The following OCA2 variants were observed in gnomAD, a reference collection of about 807,000 sequenced individuals.
The protein encoded by OCA2 is OCA2 melanosomal transmembrane protein, also known as P protein.
OCA2 carries 77 observed loss-of-function variants against 100.2 expected under a neutral mutation model. The ratio of observed to expected loss-of-function variants is 0.77; its 90% confidence interval spans 0.64 to 0.93. The LOEUF (loss-of-function observed/expected upper bound fraction) is 0.93, where lower values mean the gene tolerates loss of function less well. OCA2 is among the 40% of genes least tolerant of loss of function. The probability of loss-of-function intolerance (pLI) is 0.00; values close to 1 mark genes in which losing one functional copy is unlikely to be tolerated. For synonymous variants in OCA2, 432 were observed against 439.2 expected (o/e 0.98, Z 0.21); for missense variants, 1,062 against 1,089.1 (o/e 0.98, Z 0.35).
At chr15:27,902,270 T>G (rs775115361) in intron 19 of OCA2, among the ~76,000 whole-genome samples, 1 of 152,090 alleles carries the variant, frequency 6.6e-6, no homozygotes, top group Non-Finnish European at 1.5e-5. Flanking sequence ...TTTAAATACG[T>G]GAAATGCTTT....
intron 2 of OCA2, among the ~76,000 whole-genome samples, chr15:28,080,873 A>G (rs1021060679): frequency 1.3e-5 from 2 of 152,180 alleles, no homozygotes; most frequent in African/African-American, 4.8e-5. Context: ...AAAACCATTC[A>G]TTGTCTTTAC....
chr15:27,825,297 G>A (rs536881366), intron 23 of OCA2, among the ~76,000 whole-genome samples: 93 of 152,238 alleles, frequency 6.1e-4, no homozygotes, highest in South Asian at 2.1e-3. Context: ...AAGCCCACGC[G>A]TCAGGAAGCA....
intron 23 of OCA2, among the ~76,000 whole-genome samples, chr15:27,805,546 GCCCA>G (rs2033801864): frequency 6.6e-6 from 1 of 152,188 alleles, no homozygotes; most frequent in Non-Finnish European, 1.5e-5. Flanking sequence ...GGAGCCGCTC[GCCCA>G]GGATGTGGCA....
intron 18 of OCA2, among the ~76,000 whole-genome samples, chr15:27,946,219 G>A (rs1191189567): frequency 6.6e-6 from 1 of 152,148 alleles, no homozygotes; most frequent in Non-Finnish European, 1.5e-5. Flanking sequence ...GGCTCAGAAA[G>A]CAATACCCCA....
chr15:27,989,772 A>G, intron 10 of OCA2, 106 bp from the exon 11 acceptor site: 4 of 1,003,092 alleles, frequency 4.0e-6, no homozygotes, highest in Non-Finnish European at 4.6e-6. Context: ...TGGGCGGGCC[A>G]GGGTTGGAAA....
chr15:27,918,989 T>C (rs1485266204), intron 19 of OCA2, among the ~76,000 whole-genome samples: 1 of 151,754 alleles, frequency 6.6e-6, no homozygotes, highest in Non-Finnish European at 1.5e-5. Context: ...TTAGGGAGAG[T>C]GAAATAAGCT....
chr15:27,904,174 G>A (rs2038076616), intron 19 of OCA2, among the ~76,000 whole-genome samples: 1 of 152,104 alleles, frequency 6.6e-6, no homozygotes, highest in African/African-American at 2.4e-5. Context: ...CAGCAACAAG[G>A]GAAGCCAGCC....
chr15:27,755,271 GC>G lies in OCA2; in HGVS notation c.*116del. The G allele has an allele frequency of 1.4e-6, 1 of 739,764 alleles. No individual in the cohort carries two copies. The highest frequency in any genetic ancestry group is 2.4e-6 in the Non-Finnish European group (1 of 409,132). The allele number at this position is 739,764 out of a possible 1,614,324, so 45.8% of individuals were successfully genotyped here. Reference sequence around the variant, plus strand: ...AGGTCTATTCCACTGTGTCTCTGTAGCATCTCCAGGGTAAGCACCTTTTCTT... The same window carrying G: ...AGGTCTATTCCACTGTGTCTCTGTAGATCTCCAGGGTAAGCACCTTTTCTT... On this transcript the variant is annotated 3_prime_UTR_variant, in exon 24 of 24. Coordinates refer to ENST00000354638, the MANE Select transcript of OCA2 (RefSeq NM_000275.3).
At chr15:27,719,275 C>T in the OCA2 span, among the ~76,000 whole-genome samples, 1 of 152,296 alleles carries the variant, frequency 6.6e-6, no homozygotes, top group Admixed American at 6.5e-5. Flanking sequence ...CTTGCCACGT[C>T]CTCATAGGGC....
intron 18 of OCA2, among the ~76,000 whole-genome samples, chr15:27,948,427 GTGT>G (rs1473804669): frequency 1.3e-5 from 2 of 152,154 alleles, no homozygotes; most frequent in African/African-American, 2.4e-5. Flanking sequence ...GTGCTCAGAA[GTGT>G]CTGGAGTAGT....
At chr15:27,933,533 T>C (rs2039336717) in intron 18 of OCA2, among the ~76,000 whole-genome samples, 1 of 152,178 alleles carries the variant, frequency 6.6e-6, no homozygotes, top group Non-Finnish European at 1.5e-5. Context: ...TTTAATCACC[T>C]GGGTGCAGGC....
At chr15:28,005,014 T>C (rs2042048588) in intron 9 of OCA2, among the ~76,000 whole-genome samples, 1 of 152,112 alleles carries the variant, frequency 6.6e-6, no homozygotes, top group African/African-American at 2.4e-5. Flanking sequence ...TCACCATGCC[T>C]CACAATGTGG....
intron 9 of OCA2, among the ~76,000 whole-genome samples, chr15:28,000,435 ATCC>A (rs1282290933): frequency 1.3e-5 from 2 of 152,190 alleles, no homozygotes. Flanking sequence ...AGTGGACCCT[ATCC>A]TACACCATAT....
At chr15:27,805,038 C>G (rs1188307983) in intron 23 of OCA2, among the ~76,000 whole-genome samples, 1 of 152,230 alleles carries the variant, frequency 6.6e-6, no homozygotes, top group Non-Finnish European at 1.5e-5. Flanking sequence ...TGCCTGTCAT[C>G]AATGCCACCA....
intron 18 of OCA2, among the ~76,000 whole-genome samples, chr15:27,943,965 G>T (rs1364202012): frequency 6.6e-6 from 1 of 152,140 alleles, no homozygotes; most frequent in Non-Finnish European, 1.5e-5. Flanking sequence ...TTGGGTACAT[G>T]TTCTCAGGAT....
chr15:28,081,931 G>C, intron 1 of OCA2, 36 bp from the exon 2 acceptor site: 1 of 1,516,210 alleles, frequency 6.6e-7, no homozygotes. Flanking sequence ...CTTCATGAAA[G>C]GCACACTGAG....
chr15:28,078,014 G>C (rs755206439), intron 2 of OCA2, among the ~76,000 whole-genome samples: 1 of 152,224 alleles, frequency 6.6e-6, no homozygotes, highest in Non-Finnish European at 1.5e-5. Flanking sequence ...GGGAGGCAGA[G>C]GTTGCAGTGA....
At chr15:27,978,871 G>A (rs1169624242) in intron 14 of OCA2, among the ~76,000 whole-genome samples, 1 of 152,108 alleles carries the variant, frequency 6.6e-6, no homozygotes, top group African/African-American at 2.4e-5. Context: ...ACTTTTAGTA[G>A]AGACGGGGTT....
chr15:27,984,530 TGGTG>T (rs1223708673), intron 13 of OCA2, among the ~76,000 whole-genome samples: 2 of 152,166 alleles, frequency 1.3e-5, no homozygotes, highest in African/African-American at 4.8e-5. Context: ...CCTGGGCACC[TGGTG>T]GTCTGGGGTG....
Sources: allele counts gnomAD v4.1 joint callset (sites outside exome capture counted in the v4.1 genomes callset), GRCh38; gene constraint gnomAD v4.1.1; transcripts MANE v1.5; gene names NCBI Gene and HGNC (gene_info 2026-07-23, HGNC 2026-07-21).